Variants in MYOF observed in about 807,000 individuals in gnomAD.
The protein encoded by MYOF is myoferlin.
Under a neutral mutation model 284.2 loss-of-function variants are expected in MYOF, and 244 were observed. The observed-to-expected ratio is 0.86, with a 90% CI of 0.77 to 0.95. MYOF has a LOEUF of 0.95. Among genes scored for constraint, MYOF ranks in the 40% least tolerant of loss-of-function variants. MYOF has a pLI of 0.00. For missense variants in MYOF, 2,496 were observed against 2,560.6 expected (o/e 0.97, Z 0.54); for synonymous variants, 904 against 919.7 (o/e 0.98, Z 0.31).
chr10:93,475,282 A>G (rs2057234778), intron 1 of MYOF, among the ~76,000 whole-genome samples: 1 of 152,208 alleles, frequency 6.6e-6, no homozygotes, highest in African/African-American at 2.4e-5. Context: ...TAGAAATTAC[A>G]CAGTGAGTCA....
intron 17 of MYOF, 76 bp from the exon 18 acceptor site, chr10:93,389,230 A>G: frequency 6.8e-7 from 1 of 1,461,332 alleles, no homozygotes; most frequent in East Asian, 2.5e-5. Context: ...GTTATTAGTT[A>G]GTTAGGTGAG....
chr10:93,348,910 G>A (rs1844372464), intron 36 of MYOF, among the ~76,000 whole-genome samples: 1 of 152,146 alleles, frequency 6.6e-6, no homozygotes, highest in African/African-American at 2.4e-5. Context: ...TGGTATAGAA[G>A]GTGTGGCCTA....
Position 93,421,527 on chromosome 10 carries a change from G to A in MYOF, c.433+4544C>T, listed in dbSNP as rs552896186. Among the ~76,000 whole-genome samples the A allele has an allele frequency of 2.6e-5, 4 of 152,334 alleles. No individual in the cohort carries two copies. The South Asian group carries it at 8.3e-4, about 32-fold the overall frequency. ...ATGTTGAAATCTGATCCCCAGTGTT[G>A]GAGGTGGGGCCTACTGGAAGGTGTT... On this transcript the variant is annotated intron_variant, in intron 5 of 53. Coordinates refer to ENST00000359263, the MANE Select transcript of MYOF (RefSeq NM_013451.4).
intron 5 of MYOF, among the ~76,000 whole-genome samples, chr10:93,411,723 C>T (rs1432114504): frequency 1.3e-5 from 2 of 152,158 alleles, no homozygotes; most frequent in Non-Finnish European, 2.9e-5. Flanking sequence ...GGGCCCTGCT[C>T]CTCATCATCC....
intron 50 of MYOF, among the ~76,000 whole-genome samples, chr10:93,314,234 G>T (rs140254641): frequency 6.6e-6 from 1 of 152,124 alleles, no homozygotes; most frequent in African/African-American, 2.4e-5. Context: ...GACTACAGGT[G>T]TGCACCACAA....
At chr10:93,477,678 C>A (rs887142394) in intron 1 of MYOF, among the ~76,000 whole-genome samples, 5 of 151,862 alleles carry the variant, frequency 3.3e-5, no homozygotes, top group Admixed American at 6.6e-5. Flanking sequence ...GAAACCCTGT[C>A]TCTACTAAAA....
chr10:93,357,996 T>C (rs537420937), intron 29 of MYOF, among the ~76,000 whole-genome samples: 357 of 152,276 alleles, frequency 2.3e-3, no homozygotes, highest in Non-Finnish European at 4.7e-3. Flanking sequence ...CAAAAGAAAC[T>C]ATCATCAGAG....
At chr10:93,428,652 A>G (rs1401637939) in intron 4 of MYOF, among the ~76,000 whole-genome samples, 1 of 151,480 alleles carries the variant, frequency 6.6e-6, no homozygotes, top group African/African-American at 2.4e-5. Flanking sequence ...ATCAGTGAAT[A>G]CTCCCTCATA....
At chr10:93,341,641 T>C (rs185551800) in intron 38 of MYOF, among the ~76,000 whole-genome samples, 1 of 152,348 alleles carries the variant, frequency 6.6e-6, no homozygotes, top group African/African-American at 2.4e-5. Context: ...GAGAATTTAT[T>C]CATGCCTACA....
In MYOF at chr10:93,306,671, A is replaced by T; in HGVS notation, c.*292T>A. ...CTGAAGTCTAGAACCGAAGACACATATAAAAAGATGATTTTTAAATGGAAC... is the reference window on the plus strand; with the variant it reads ...CTGAAGTCTAGAACCGAAGACACATTTAAAAAGATGATTTTTAAATGGAAC... On this transcript the variant is annotated 3_prime_UTR_variant, in exon 54 of 54. Coordinates refer to ENST00000359263, the MANE Select transcript of MYOF (RefSeq NM_013451.4). 1 of 379,684 alleles carries T rather than the reference A, an allele frequency of 2.6e-6. No individual in the cohort carries two copies. The highest frequency in any genetic ancestry group is 5.5e-5 in the East Asian group (1 of 18,344). The allele number at this position is 379,684 out of a possible 1,614,324, so 23.5% of individuals were successfully genotyped here.
chr10:93,344,163 T>C (rs1323049388), intron 37 of MYOF, among the ~76,000 whole-genome samples: 1 of 152,248 alleles, frequency 6.6e-6, no homozygotes, highest in East Asian at 1.9e-4. Context: ...ATATGTTCAT[T>C]ACTGTTTTTA....
intron 1 of MYOF, among the ~76,000 whole-genome samples, chr10:93,477,528 C>G (rs930023520): frequency 6.7e-6 from 1 of 150,294 alleles, no homozygotes; most frequent in Non-Finnish European, 1.5e-5. Flanking sequence ...CAAACACACA[C>G]AAAGATAGAA....
intron 40 of MYOF, 128 bp downstream of exon 40, chr10:93,337,685 GAC>G: frequency 1.4e-6 from 1 of 691,928 alleles, no homozygotes; most frequent in Non-Finnish European, 2.5e-6. Flanking sequence ...TCTCCGGGAA[GAC>G]AGAGGTTTTC....
intron 28 of MYOF, among the ~76,000 whole-genome samples, chr10:93,360,764 TTC>T (rs1845030598): frequency 6.6e-6 from 1 of 152,184 alleles, no homozygotes; most frequent in African/African-American, 2.4e-5. Flanking sequence ...TAGTTTACAG[TTC>T]TCTTTTCTGC....
chr10:93,347,394 T>C (rs1844241549), intron 37 of MYOF, among the ~76,000 whole-genome samples: 1 of 147,874 alleles, frequency 6.8e-6, no homozygotes, highest in Non-Finnish European at 1.5e-5. Context: ...CTACTAAAAA[T>C]ACAAAAAATT....
At chr10:93,322,310 G>A (rs985775100) in intron 48 of MYOF, among the ~76,000 whole-genome samples, 4 of 152,208 alleles carry the variant, frequency 2.6e-5, no homozygotes, top group African/African-American at 9.6e-5. Context: ...AATACTATGT[G>A]CCAGGCACTG....
At chr10:93,340,662 C>G (rs1334904684) in intron 38 of MYOF, among the ~76,000 whole-genome samples, 1 of 152,190 alleles carries the variant, frequency 6.6e-6, no homozygotes, top group Non-Finnish European at 1.5e-5. Context: ...AGGTACCCCC[C>G]AGCCATGCCT....
chr10:93,418,117 A>C (rs1047859481), intron 5 of MYOF, among the ~76,000 whole-genome samples: 3 of 152,080 alleles, frequency 2.0e-5, no homozygotes, highest in Non-Finnish European at 4.4e-5. Context: ...CTTTGATCCT[A>C]ATTCTGCTTT....
chr10:93,445,209 C>T (rs114040857), intron 3 of MYOF, among the ~76,000 whole-genome samples: 1 of 152,246 alleles, frequency 6.6e-6, no homozygotes, highest in African/African-American at 2.4e-5. Flanking sequence ...ACATAAAAGT[C>T]AAGTGTACAG....
Sources: gnomAD v4.1 joint callset for allele counts (sites outside exome capture counted in the v4.1 genomes callset) on GRCh38, gnomAD v4.1.1 for gene constraint, MANE v1.5 for transcripts, NCBI Gene and HGNC (gene_info 2026-07-23, HGNC 2026-07-21) for gene names.